The following R3HDM2 variants were observed in gnomAD, a reference collection of about 807,000 sequenced individuals.
R3HDM2 encodes the protein R3H domain containing 2, also known as R3H domain-containing protein 2.
In R3HDM2, 38 loss-of-function variants were observed where a neutral mutation model predicts 124.5. That is an observed-to-expected ratio of 0.31 (90% CI 0.24 to 0.40). The LOEUF is 0.40. R3HDM2 is among the 10% of genes least tolerant of loss of function. The pLI is 1.00. For synonymous variants in R3HDM2, 391 were observed against 448.0 expected, an observed-to-expected ratio of 0.87 and a Z score of 1.61; for missense variants, 869 against 1,236.9, an observed-to-expected ratio of 0.70 and a Z score of 4.46.
intron 2 of R3HDM2, among the ~76,000 whole-genome samples, chr12:57,360,022 T>TATAC (rs1555287053): frequency 1.1e-5 from 1 of 90,286 alleles, no homozygotes; most frequent in African/African-American, 3.7e-5. Flanking sequence ...TATATATATA[T>TATAC]ACACACATAT....
chr12:57,296,469 G>C lies in R3HDM2; in HGVS notation c.643C>G (p.His215Asp). The change falls in exon 9 of 24, where the codon CAC becomes GAC. Residue 215 changes from histidine to aspartate, a missense_variant. By Grantham distance (81) the His-to-Asp change is moderately conservative. Around this residue, in one of 2 missense-constraint regions of R3HDM2, gnomAD observed 267 missense variants for 447.7 expected, o/e 0.60. Coordinates refer to ENST00000402412, the MANE Select transcript of R3HDM2 (RefSeq NM_001394031.1). The surrounding 1 kb of genome is among the most constrained non-coding windows in gnomAD (Gnocchi z 4.5). Reference protein sequence around the residue: ...HRVAAYFGMDHNVDQTGKAVI... With the variant: ...HRVAAYFGMDDNVDQTGKAVI... Reference sequence around the variant, plus strand: ...GCTTTCCCAGTTTGATCAACATTGTGGTCCATCCCAAAATAGGCAGCTACC... The same window carrying C: ...GCTTTCCCAGTTTGATCAACATTGTCGTCCATCCCAAAATAGGCAGCTACC... The C allele has an allele frequency of 6.4e-7, 1 of 1,552,156 alleles. No individual in the cohort carries two copies. The highest frequency in any genetic ancestry group is 8.7e-7 in the Non-Finnish European group (1 of 1,147,064).
intron 1 of R3HDM2, among the ~76,000 whole-genome samples, chr12:57,415,704 T>A (rs938556520): frequency 6.6e-6 from 1 of 152,148 alleles, no homozygotes; most frequent in African/African-American, 2.4e-5. Context: ...AAAGTTAACA[T>A]TATCAATAAT....
chr12:57,265,017 G>A (rs1461725879), intron 19 of R3HDM2, among the ~76,000 whole-genome samples: 1 of 152,120 alleles, frequency 6.6e-6, no homozygotes, highest in Non-Finnish European at 1.5e-5. Context: ...CTGTACTTGC[G>A]TGTTAGGGGA....
intron 2 of R3HDM2, among the ~76,000 whole-genome samples, chr12:57,376,090 G>T (rs1227079643): frequency 6.6e-6 from 1 of 152,206 alleles, no homozygotes; most frequent in East Asian, 1.9e-4. Flanking sequence ...CCAGTTTTGA[G>T]TTCTGGCACT....
chr12:57,254,243 G>A lies in R3HDM2; in HGVS notation c.*530C>T. Reference sequence around the variant, plus strand: ...AAGCCAGGCACAGTGGCTCACGCCTGTAATCCCAGCACTCTGGAAGGCCAA... The same window carrying A: ...AAGCCAGGCACAGTGGCTCACGCCTATAATCCCAGCACTCTGGAAGGCCAA... On this transcript the variant is annotated 3_prime_UTR_variant, in exon 24 of 24. Coordinates refer to ENST00000402412, the MANE Select transcript of R3HDM2 (RefSeq NM_001394031.1). 2.2e-6 allele frequency: 1 copy of A among 454,946 alleles called. No homozygotes were observed. Among genetic ancestry groups the A allele is most frequent in the Non-Finnish European group, 4.4e-6 (1 of 226,742 alleles). The allele number at this position is 454,946 out of a possible 1,614,324, so 28.2% of individuals were successfully genotyped here. A position where few individuals can be genotyped will look rare whatever the true frequency, so the allele number is the denominator to read the frequency against.
intron 1 of R3HDM2, among the ~76,000 whole-genome samples, chr12:57,413,501 G>A (rs533198546): frequency 5.3e-5 from 8 of 151,170 alleles, no homozygotes; most frequent in African/African-American, 1.7e-4. Context: ...TTTGGGAGGC[G>A]GAGGCGGGCA....
At chr12:57,360,682 A>G (rs930619435) in intron 2 of R3HDM2, among the ~76,000 whole-genome samples, 1 of 151,982 alleles carries the variant, frequency 6.6e-6, no homozygotes, top group African/African-American at 2.4e-5. Context: ...GAAAAAGGAA[A>G]GGCGAAAGGA....
At chr12:57,407,227 G>C (rs553768569) in intron 1 of R3HDM2, among the ~76,000 whole-genome samples, 2 of 149,814 alleles carry the variant, frequency 1.3e-5, no homozygotes, top group South Asian at 4.2e-4. Flanking sequence ...TCCAGCCTGG[G>C]CAACAGAGCA....
At chr12:57,331,967 G>A (rs2058259663) in intron 2 of R3HDM2, among the ~76,000 whole-genome samples, 1 of 151,282 alleles carries the variant, frequency 6.6e-6, no homozygotes, top group South Asian at 2.1e-4. Flanking sequence ...GCATGTACCT[G>A]TAGTCCCAGA....
rs1352920201 is a variant in R3HDM2, at chr12:57,253,959, G to C, written c.*814C>G. On this transcript the variant is annotated 3_prime_UTR_variant, in exon 24 of 24. Transcript: ENST00000402412. ...AAACAATATACAAGTGTTCTGGGGG[G>C]GCCAGGGGAATCCCAAGTTTTAACT... 2.9e-6 allele frequency: 1 copy of C among 350,594 alleles called. No homozygotes were observed. The highest frequency in any genetic ancestry group is 5.4e-6 in the Non-Finnish European group (1 of 185,126). The allele number at this position is 350,594 out of a possible 1,614,324, so 21.7% of individuals were successfully genotyped here. A position where few individuals can be genotyped will look rare whatever the true frequency, so the allele number is the denominator to read the frequency against.
intron 2 of R3HDM2, among the ~76,000 whole-genome samples, chr12:57,344,831 T>C (rs1286916696): frequency 6.6e-6 from 1 of 152,100 alleles, no homozygotes; most frequent in African/African-American, 2.4e-5. Context: ...TTTTTGTTTT[T>C]TGTTTTTTTT....
chr12:57,279,162 C>T (rs933450128), intron 14 of R3HDM2, among the ~76,000 whole-genome samples: 5 of 146,976 alleles, frequency 3.4e-5, no homozygotes, highest in African/African-American at 1.0e-4. Context: ...CAGCTCTGCT[C>T]GGAGTATTAA....
chr12:57,326,064 C>A (rs2057277795), intron 2 of R3HDM2, among the ~76,000 whole-genome samples: 1 of 152,046 alleles, frequency 6.6e-6, no homozygotes, highest in Non-Finnish European at 1.5e-5. Flanking sequence ...TTTGGGGGCA[C>A]CAGGAACTGT....
chr12:57,283,787 G>A (rs1416647450), intron 13 of R3HDM2, 37 bp downstream of exon 13: 14 of 1,585,546 alleles, frequency 8.8e-6, no homozygotes, highest in Non-Finnish European at 1.2e-5. Flanking sequence ...AAGCAAGAAG[G>A]GATGGGTATG....
At chr12:57,336,120 G>C (rs1229063525) in intron 2 of R3HDM2, among the ~76,000 whole-genome samples, 1 of 150,890 alleles carries the variant, frequency 6.6e-6, no homozygotes, top group Non-Finnish European at 1.5e-5. Context: ...ACACCAGTCA[G>C]AATGGCTATT....
chr12:57,388,840 G>A (rs943610017), intron 2 of R3HDM2, among the ~76,000 whole-genome samples: 2 of 151,792 alleles, frequency 1.3e-5, no homozygotes, highest in Non-Finnish European at 2.9e-5. Context: ...GACATCACTA[G>A]CTATAAATTA....
intron 11 of R3HDM2, among the ~76,000 whole-genome samples, chr12:57,291,196 G>A (rs935363351): frequency 2.7e-5 from 4 of 149,736 alleles, no homozygotes; most frequent in Non-Finnish European, 4.5e-5. Context: ...AGACAATGGC[G>A]CAAGTACATA....
intron 1 of R3HDM2, among the ~76,000 whole-genome samples, chr12:57,422,395 C>A (rs2070303611): frequency 6.6e-6 from 1 of 152,096 alleles, no homozygotes; most frequent in African/African-American, 2.4e-5. Context: ...ACAAGAATCC[C>A]ATATGTAGCC....
intron 19 of R3HDM2, among the ~76,000 whole-genome samples, chr12:57,260,865 A>G (rs2040624391): frequency 6.6e-6 from 1 of 152,154 alleles, no homozygotes; most frequent in Non-Finnish European, 1.5e-5. Context: ...AGGTAGTATC[A>G]GTCAAAAGAA....
Sources: gnomAD v4.1 joint callset for allele counts (sites outside exome capture counted in the v4.1 genomes callset) on GRCh38, gnomAD v4.1.1 for gene constraint, gnomAD v4.1.1 regional missense constraint, Gnocchi (gnomAD v3.1) non-coding constraint, MANE v1.5 for transcripts, NCBI Gene and HGNC (gene_info 2026-07-23, HGNC 2026-07-21) for gene names.